Variants in GPHN observed in about 807,000 individuals in gnomAD.
The protein encoded by GPHN is gephyrin.
GPHN carries 17 observed loss-of-function variants against 95.5 expected under a neutral mutation model. That is an observed-to-expected ratio of 0.18 (90% CI 0.12 to 0.27). GPHN has a LOEUF of 0.27. Ranked by LOEUF, GPHN falls within the 10% of genes least tolerant of loss-of-function variation. GPHN has a pLI of 1.00. For synonymous variants in GPHN, 320 were observed against 322.5 expected (o/e 0.99, Z 0.08); for missense variants, 660 against 978.1 (o/e 0.67, Z 4.34).
At chr14:66,565,968 C>CT (rs60387447) in intron 1 of GPHN, among the ~76,000 whole-genome samples, 47,293 of 143,118 alleles carry the variant, frequency 0.33, 11,771 homozygotes, top group African/African-American at 0.68. Context: ...AAAGAAAATT[C>CT]TTTTTTTTTT....
intron 1 of GPHN, among the ~76,000 whole-genome samples, chr14:66,623,299 G>T (rs999049284): frequency 3.3e-5 from 5 of 152,222 alleles, no homozygotes; most frequent in Admixed American, 1.3e-4. Flanking sequence ...CCTCCGACCA[G>T]GTTCCTCCCA....
At chr14:66,814,768 A>G (rs116541532) in intron 3 of GPHN, among the ~76,000 whole-genome samples, 1 of 152,206 alleles carries the variant, frequency 6.6e-6, no homozygotes, top group African/African-American at 2.4e-5. Context: ...TTTCTTCCAG[A>G]TGACCACACC....
rs1021830662 is a variant in GPHN at position 66,589,982 on chromosome 14, G to T, written c.64+81391G>T. Among the ~76,000 whole-genome samples the T allele has an allele frequency of 5.9e-5, 9 of 152,184 alleles. No homozygotes were observed. In the East Asian group the frequency reaches 1.5e-3, roughly 26 times the overall value. On this transcript the variant is annotated intron_variant, in intron 1 of 22. Transcript: ENST00000478722. ...GAATGGAAATCATAATAGTCTCTCA[G>T]ACCACAGTACAATCAAATTAGAACT...
At chr14:67,288,473 C>A in the GPHN span, among the ~76,000 whole-genome samples, 1 of 152,262 alleles carries the variant, frequency 6.6e-6, no homozygotes, top group South Asian at 2.1e-4. Context: ...AGGAAGATTT[C>A]TTGACGCCAG....
chr14:67,056,813 G>C (rs574516812), intron 10 of GPHN, among the ~76,000 whole-genome samples: 7 of 128,488 alleles, frequency 5.4e-5, no homozygotes, highest in Non-Finnish European at 1.2e-4. Context: ...AGTGGGGGTG[G>C]GGGGGGGTCA....
the GPHN span, chr14:67,388,359 G>A: frequency 2.9e-6 from 3 of 1,026,722 alleles, no homozygotes; most frequent in South Asian, 1.3e-5. Context: ...GGGAAGAGTT[G>A]CACTCCCCTT....
At position 66,674,368 on chromosome 14, in the gene GPHN, G is replaced by A. The variant is rs560653016; in HGVS notation, c.65-6739G>A. ...CCGCCTCAGCCTCCCAAAGTGCTGG[G>A]TTACAGGCATGAGCCACTGCGCCTG... is the stretch of plus-strand genomic sequence containing the variant. On this transcript the variant is annotated intron_variant, in intron 1 of 22. Coordinates refer to ENST00000478722, the MANE Select transcript of GPHN (RefSeq NM_020806.5). 6.6e-5 allele frequency among the ~76,000 whole-genome samples: 10 copies of A among 152,036 alleles called. No homozygotes were observed. The South Asian group carries it at 1.7e-3, about 25-fold the overall frequency.
chr14:67,357,887 C>T, the GPHN span, among the ~76,000 whole-genome samples: 3 of 152,178 alleles, frequency 2.0e-5, no homozygotes, highest in South Asian at 6.2e-4. Flanking sequence ...AGCCCCTATC[C>T]CTCCTGATGA....
chr14:67,066,744 TC>T (rs1389000975), intron 11 of GPHN, among the ~76,000 whole-genome samples: 4 of 152,210 alleles, frequency 2.6e-5, no homozygotes, highest in Non-Finnish European at 5.9e-5. Context: ...AGTGCATGCC[TC>T]CCGAAGTTCT....
At chr14:67,172,199 T>TA (rs2082638013) in intron 21 of GPHN, among the ~76,000 whole-genome samples, 2 of 152,162 alleles carry the variant, frequency 1.3e-5, no homozygotes, top group African/African-American at 4.8e-5. Flanking sequence ...AAGCAGCTGT[T>TA]ACAACTTTCC....
chr14:66,905,086 C>T (rs950916162), intron 5 of GPHN, among the ~76,000 whole-genome samples: 14 of 152,118 alleles, frequency 9.2e-5, no homozygotes, highest in African/African-American at 3.4e-4. Flanking sequence ...ATGTGATTTT[C>T]TGTATCTTAC....
intron 2 of GPHN, among the ~76,000 whole-genome samples, chr14:66,749,837 T>C (rs1263081286): frequency 2.6e-5 from 4 of 151,862 alleles, no homozygotes; most frequent in African/African-American, 7.2e-5. Context: ...AAGCAGGGTT[T>C]TTTTTTTAAT....
intron 4 of GPHN, among the ~76,000 whole-genome samples, chr14:66,847,242 T>A (rs1049992834): frequency 6.6e-6 from 1 of 152,132 alleles, no homozygotes; most frequent in Admixed American, 6.6e-5. Flanking sequence ...TACGACCAGA[T>A]TTAGCTTGTT....
At chr14:67,692,875 C>A in the GPHN span, 1 of 1,176,112 alleles carries the variant, frequency 8.5e-7, no homozygotes, top group South Asian at 1.3e-5. Flanking sequence ...AATGAATCAT[C>A]ATTACTGTGA....
At chr14:66,570,604 C>T (rs960108561) in intron 1 of GPHN, among the ~76,000 whole-genome samples, 60 of 152,112 alleles carry the variant, frequency 3.9e-4, no homozygotes, top group African/African-American at 1.4e-3. Context: ...CATGCCTGGC[C>T]CAATTTCATA....
the GPHN span, among the ~76,000 whole-genome samples, chr14:67,633,171 C>G: frequency 7.9e-5 from 12 of 152,212 alleles, no homozygotes; most frequent in East Asian, 2.3e-3. Flanking sequence ...TTAAGTTACA[C>G]TTTTTAGGTT....
At chr14:67,684,490 C>G in the GPHN span, 6 of 152,268 alleles carry the variant, frequency 3.9e-5, no homozygotes, top group East Asian at 7.7e-4. Flanking sequence ...ATTCAAAATT[C>G]TCTACATTTA....
intron 2 of GPHN, among the ~76,000 whole-genome samples, chr14:66,698,295 T>G (rs1344318335): frequency 6.6e-6 from 1 of 152,114 alleles, no homozygotes; most frequent in Admixed American, 6.6e-5. Flanking sequence ...TGAATAAGAT[T>G]TGTCCTCTGA....
chr14:67,427,937 T>G, the GPHN span, among the ~76,000 whole-genome samples: 1 of 151,538 alleles, frequency 6.6e-6, no homozygotes, highest in Non-Finnish European at 1.5e-5. Context: ...TTTTTTTTTT[T>G]TTGAGACAAA....
Sources: gnomAD v4.1 joint callset for allele counts (sites outside exome capture counted in the v4.1 genomes callset) on GRCh38, gnomAD v4.1.1 for gene constraint, MANE v1.5 for transcripts, NCBI Gene and HGNC (gene_info 2026-07-23, HGNC 2026-07-21) for gene names.